The following PDE3A variants were observed in gnomAD, a reference collection of about 807,000 sequenced individuals.
PDE3A encodes cGMP-inhibited 3',5'-cyclic phosphodiesterase 3A.
Under a neutral mutation model 98.3 loss-of-function variants are expected in PDE3A, and 43 were observed. That is an observed-to-expected ratio of 0.44 (90% CI 0.34 to 0.56). The LOEUF is 0.56. Among genes scored for constraint, PDE3A ranks in the 20% least tolerant of loss-of-function variants. PDE3A has a pLI of 0.01. For missense variants in PDE3A, 1,427 were observed against 1,440.7 expected (o/e 0.99, Z 0.15); for synonymous variants, 663 against 567.9 (o/e 1.17, Z -2.38).
At chr12:20,573,519 A>G (rs940483176) in intron 2 of PDE3A, among the ~76,000 whole-genome samples, 1 of 152,116 alleles carries the variant, frequency 6.6e-6, no homozygotes, top group African/African-American at 2.4e-5. Context: ...CTGTGTTCAA[A>G]TGCAAGACTA....
At chr12:20,450,300 C>T (rs1230232543) in intron 1 of PDE3A, among the ~76,000 whole-genome samples, 4 of 152,200 alleles carry the variant, frequency 2.6e-5, no homozygotes. Context: ...GAGACCTAGT[C>T]CCTGTCATCC....
intron 15 of PDE3A, among the ~76,000 whole-genome samples, chr12:20,674,571 A>T (rs1316974944): frequency 6.6e-6 from 1 of 152,140 alleles, no homozygotes. Flanking sequence ...TTTTATGCGA[A>T]GTCACCCAGT....
At chr12:20,476,550 A>G (rs74066448) in intron 1 of PDE3A, among the ~76,000 whole-genome samples, 9,396 of 152,304 alleles carry the variant, frequency 0.062, 325 homozygotes, top group African/African-American at 0.085. Context: ...AATTTCATAT[A>G]GTTAGTGTGT....
At chr12:20,430,554 G>T (rs932953060) in intron 1 of PDE3A, among the ~76,000 whole-genome samples, 8 of 152,042 alleles carry the variant, frequency 5.3e-5, no homozygotes, top group Non-Finnish European at 8.8e-5. Flanking sequence ...TGTTTTGGGG[G>T]CAGGGTGCAT....
chr12:20,471,672 G>A (rs1945442400), intron 1 of PDE3A, among the ~76,000 whole-genome samples: 1 of 152,124 alleles, frequency 6.6e-6, no homozygotes, highest in Non-Finnish European at 1.5e-5. Context: ...AAGTAAGAAA[G>A]TAAATTGATT....
chr12:20,579,177 C>T (rs2121336362), intron 2 of PDE3A, among the ~76,000 whole-genome samples: 1 of 152,240 alleles, frequency 6.6e-6, no homozygotes, highest in South Asian at 2.1e-4. Flanking sequence ...TTCTATCCAA[C>T]TGAAAAGATA....
chr12:20,409,174 G>A (rs1306615165), intron 1 of PDE3A, among the ~76,000 whole-genome samples: 1 of 152,052 alleles, frequency 6.6e-6, no homozygotes, highest in East Asian at 1.9e-4. Context: ...AGATGCATCT[G>A]GAATCTGAAA....
chr12:20,420,207 G>A (rs1336266197), intron 1 of PDE3A, among the ~76,000 whole-genome samples: 1 of 152,134 alleles, frequency 6.6e-6, no homozygotes, highest in East Asian at 1.9e-4. Context: ...ATCACATGGA[G>A]CCAGGGCTTC....
intron 15 of PDE3A, among the ~76,000 whole-genome samples, chr12:20,669,618 G>A (rs1945416058): frequency 6.6e-6 from 1 of 151,744 alleles, no homozygotes; most frequent in Admixed American, 6.6e-5. Flanking sequence ...AAGCGAAGGA[G>A]AAATAAAATA....
chr12:20,493,613 C>T (rs1945865914), intron 1 of PDE3A, among the ~76,000 whole-genome samples: 1 of 152,050 alleles, frequency 6.6e-6, no homozygotes, highest in South Asian at 2.1e-4. Context: ...CATTCACACT[C>T]ACACCCATTC....
chr12:20,507,580 A>G lies in PDE3A; in HGVS notation c.961-49080A>G, dbSNP rs559316222. The stretch of plus-strand genomic sequence containing the variant: ...TGGCTTCTTGACTTAGATACCTAAC[A>G]GACGCCTCATACTCCAAATGTGCCA... On this transcript the variant is annotated intron_variant, in intron 1 of 15. Coordinates refer to ENST00000359062, the MANE Select transcript of PDE3A (RefSeq NM_000921.5). Among the ~76,000 whole-genome samples, 19 of 152,030 alleles carry G rather than the reference A, an allele frequency of 1.2e-4. 1 individual carries two copies. Among genetic ancestry groups the G allele is most frequent in the South Asian group, 1.2e-3 (6 of 4,828 alleles).
chr12:20,454,752 T>C (rs1371530652), intron 1 of PDE3A, among the ~76,000 whole-genome samples: 1 of 152,206 alleles, frequency 6.6e-6, no homozygotes, highest in East Asian at 1.9e-4. Flanking sequence ...CTGTGTTAGT[T>C]TGCTAAGGAT....
chr12:20,392,891 A>T (rs1278026463), intron 1 of PDE3A, among the ~76,000 whole-genome samples: 1 of 152,002 alleles, frequency 6.6e-6, no homozygotes, highest in African/African-American at 2.4e-5. Flanking sequence ...CAAGTACTTC[A>T]AGTTCTCACT....
At chr12:20,568,812 C>T (rs984303191) in intron 2 of PDE3A, among the ~76,000 whole-genome samples, 2 of 151,642 alleles carry the variant, frequency 1.3e-5, no homozygotes, top group South Asian at 2.1e-4. Flanking sequence ...CTATGTTTGA[C>T]CTTTTGGGAA....
In PDE3A at chr12:20,681,312, A is replaced by C. The variant is rs1287469433; in HGVS notation, c.*1041A>C. 2.0e-5 allele frequency: 3 copies of C among 152,246 alleles called. No individual in the cohort carries two copies. The highest frequency in any genetic ancestry group is 7.2e-5 in the African/African-American group (3 of 41,458). The allele number at this position is 152,246 out of a possible 1,614,324, so 9.4% of individuals were successfully genotyped here. On this transcript the variant is annotated 3_prime_UTR_variant, in exon 16 of 16. Coordinates refer to ENST00000359062, the MANE Select transcript of PDE3A (RefSeq NM_000921.5). ...GGCATTCTTTATACCTAAACACCTA[A>C]GAGCTGAAGTCAGGTCTTTTAATCA...
At chr12:20,670,936 A>G (rs1359694183) in intron 15 of PDE3A, among the ~76,000 whole-genome samples, 1 of 130,108 alleles carries the variant, frequency 7.7e-6, no homozygotes, top group East Asian at 2.2e-4. Flanking sequence ...GATCAACAAA[A>G]TTGATAGACC....
chr12:20,540,090 A>T (rs1372824415), intron 1 of PDE3A, among the ~76,000 whole-genome samples: 1 of 152,128 alleles, frequency 6.6e-6, no homozygotes, highest in Non-Finnish European at 1.5e-5. Context: ...ACAGCAAGTA[A>T]AAGCCTGAAA....
chr12:20,570,660 C>T (rs951025770), intron 2 of PDE3A, among the ~76,000 whole-genome samples: 5 of 152,080 alleles, frequency 3.3e-5, no homozygotes, highest in South Asian at 2.1e-4. Flanking sequence ...GAGCCAACTT[C>T]GTAAGCATTC....
intron 15 of PDE3A, among the ~76,000 whole-genome samples, chr12:20,661,649 G>T (rs1374852907): frequency 6.6e-6 from 1 of 152,214 alleles, no homozygotes; most frequent in Non-Finnish European, 1.5e-5. Flanking sequence ...GCTTGAGAGG[G>T]TGGACGCCTC....
Sources: allele counts gnomAD v4.1 joint callset (sites outside exome capture counted in the v4.1 genomes callset), GRCh38; gene constraint gnomAD v4.1.1; transcripts MANE v1.5; gene names NCBI Gene and HGNC (gene_info 2026-07-23, HGNC 2026-07-21).